The following EIF2AK1 variants were observed in gnomAD, a reference collection of about 807,000 sequenced individuals.
EIF2AK1 encodes eukaryotic translation initiation factor 2-alpha kinase 1.
EIF2AK1 carries 54 observed loss-of-function variants against 77.9 expected under a neutral mutation model. The ratio of observed to expected loss-of-function variants is 0.69; its 90% CI spans 0.56 to 0.87. The LOEUF (loss-of-function observed/expected upper bound fraction) is 0.87. EIF2AK1 is among the 40% of genes least tolerant of loss of function. EIF2AK1 has a pLI of 0.00. For missense variants in EIF2AK1, 810 were observed against 768.6 expected (o/e 1.05, Z -0.64); for synonymous variants, 314 against 290.5 (o/e 1.08, Z -0.82).
rs983147263 is a variant in EIF2AK1, at chr7:6,032,398, T to C, written c.1333-3366A>G. ...CTCTGCTAATCATAGACAGAACATA[T>C]GCTGCGTTATATTTGAAAACCCTGA... On this transcript the variant is annotated intron_variant, in intron 11 of 14. Transcript: ENST00000199389. The surrounding 1 kb of genome is among the most constrained non-coding windows in gnomAD (Gnocchi z 4.3). Among the ~76,000 whole-genome samples the C allele has an allele frequency of 2.0e-5, 3 of 152,180 alleles. No homozygotes were observed. The highest frequency in any genetic ancestry group is 2.4e-5 in the African/African-American group (1 of 41,442).
chr7:6,040,210 G>A (rs188525506), intron 9 of EIF2AK1, among the ~76,000 whole-genome samples: 20 of 151,964 alleles, frequency 1.3e-4, no homozygotes, highest in Admixed American at 6.6e-4. Flanking sequence ...ACAGCATCGC[G>A]CCTGGCTAAT....
intron 5 of EIF2AK1, chr7:6,046,626 G>A (rs577262763): frequency 5.7e-6 from 1 of 174,184 alleles, no homozygotes; most frequent in Non-Finnish European, 1.2e-5. Context: ...AAAACAGGCC[G>A]AGCACGGTGG....
At chr7:6,038,245 G>T (rs994498034) in intron 10 of EIF2AK1, among the ~76,000 whole-genome samples, 3 of 152,032 alleles carry the variant, frequency 2.0e-5, no homozygotes, top group African/African-American at 7.2e-5. Context: ...GCCTGGGCAG[G>T]ATAATGAGAC....
chr7:6,028,625 T>A lies in EIF2AK1; in HGVS notation c.1520A>T (p.Tyr507Phe), dbSNP rs759847990. Residue 507 changes from tyrosine to phenylalanine, a missense_variant, in exon 13 of 15, where the codon TAT becomes TTT. Transcript: ENST00000199389. ...AGCAACAAATACTACCTTGGCATCATACTCAGATCCTTCCAACTGTTCGGG... is the reference window on the plus strand; with the variant it reads ...AGCAACAAATACTACCTTGGCATCAAACTCAGATCCTTCCAACTGTTCGGG... ...ASPEQLEGSE[Y>F]DAKSDMYSLG... The A allele has an allele frequency of 6.2e-7, 1 of 1,614,170 alleles. No homozygotes were observed. The highest frequency in any genetic ancestry group is 1.1e-5 in the South Asian group (1 of 91,086).
At chr7:6,040,836 C>T in intron 9 of EIF2AK1, 56 bp downstream of exon 9, 1 of 1,422,990 alleles carries the variant, frequency 7.0e-7, no homozygotes, top group Non-Finnish European at 9.8e-7. Context: ...GAAGGCCACA[C>T]ACCTGCACAG....
chr7:6,044,396 A>G (rs1432471330), intron 7 of EIF2AK1, among the ~76,000 whole-genome samples, 166 bp downstream of exon 7: 1 of 152,056 alleles, frequency 6.6e-6, no homozygotes, highest in Middle Eastern at 3.2e-3. Context: ...GTGTGAACCC[A>G]GGAGGCGGAG....
At chr7:6,055,548 A>AAG (rs1788727105) in intron 1 of EIF2AK1, among the ~76,000 whole-genome samples, 2 of 152,042 alleles carry the variant, frequency 1.3e-5, no homozygotes, top group Admixed American at 1.3e-4. Flanking sequence ...TGAACAAGGC[A>AAG]GATCAGACTG....
chr7:6,024,515 G>T lies in EIF2AK1; in HGVS notation c.*158C>A. ...AGGAAATTCAGGAAAAGGAGCTTGT[G>T]GGGCAGGAAGGGAAGGAACGGCAGC... is the stretch of plus-strand genomic sequence containing the variant. On this transcript the variant is annotated 3_prime_UTR_variant, in exon 15 of 15. Coordinates refer to ENST00000199389, the MANE Select transcript of EIF2AK1 (RefSeq NM_014413.4). 7.0e-7 allele frequency: 1 copy of T among 1,437,602 alleles called. No individual in the cohort carries two copies. The highest frequency in any genetic ancestry group is 9.1e-7 in the Non-Finnish European group (1 of 1,102,132). The allele number at this position is 1,437,602 out of a possible 1,614,324, so 89.1% of individuals were successfully genotyped here.
Position 6,038,591 on chromosome 7 carries a change from C to G in EIF2AK1, c.1200G>C (p.Lys400Asn), listed in dbSNP as rs377124120. 1 of 1,612,986 alleles carries G rather than the reference C, an allele frequency of 6.2e-7. No individual in the cohort carries two copies. Among genetic ancestry groups the G allele is most frequent in the African/African-American group, 1.3e-5 (1 of 74,866 alleles). The change falls in exon 10 of 15, where the codon AAG becomes AAC. Residue 400 changes from lysine to asparagine, a missense_variant. This residue lies in a region of EIF2AK1 where 549 missense variants were observed against 533.7 expected (regional missense o/e 1.03). Transcript: ENST00000199389. ...SLWDWIVERNKRGREYVDESA... is the reference protein window; with the variant it reads ...SLWDWIVERNNRGREYVDESA... ...ACTCGTCCACATACTCCCGGCCCCG[C>G]TTGTTTCTCTCGACTATCCAATCCC... is the stretch of plus-strand genomic sequence containing the variant.
Position 6,036,168 on chromosome 7 carries a change from C to G in EIF2AK1, c.1332+1256G>C, listed in dbSNP as rs895709315. On this transcript the variant is annotated intron_variant, in intron 11 of 14. Transcript: ENST00000199389. The surrounding 1 kb of genome is among the most constrained non-coding windows in gnomAD (Gnocchi z 4.6). ...TTATCCTCTGAGAATGACCAATAACCAAGGAATTCTACCTGCAGGAATCAT... is the reference window on the plus strand; with the variant it reads ...TTATCCTCTGAGAATGACCAATAACGAAGGAATTCTACCTGCAGGAATCAT... 1 of 1,549,892 alleles carries G rather than the reference C, an allele frequency of 6.5e-7. No homozygotes were observed.
rs557690741 is a variant in EIF2AK1 at position 6,041,851 on chromosome 7, A to AT, written c.792-633_792-632insA. Reference sequence around the variant, plus strand: ...GTGAGACTCCATCTAAAAAAAAAAAAAAAAGCCAATGTATAGGTCTGGCAC... The same window carrying AT: ...GTGAGACTCCATCTAAAAAAAAAAAATAAAAGCCAATGTATAGGTCTGGCAC... On this transcript the variant is annotated intron_variant, in intron 8 of 14. Transcript: ENST00000199389. 2.4e-3 allele frequency among the ~76,000 whole-genome samples: 363 copies of AT among 151,748 alleles called. 3 individuals are homozygous for AT. Among genetic ancestry groups the AT allele is most frequent in the African/African-American group, 8.5e-3 (352 of 41,372 alleles).
chr7:6,042,847 C>T, intron 8 of EIF2AK1, 86 bp downstream of exon 8: 1 of 1,155,036 alleles, frequency 8.7e-7, no homozygotes, highest in Non-Finnish European at 1.3e-6. Context: ...GTCTGGGTGA[C>T]AGAGCGAGAC....
In EIF2AK1 at chr7:6,035,479, T is replaced by A. The variant is rs1168137656; in HGVS notation, c.1332+1945A>T. ...GGCCTCACCACACTCAACTTAATGC[T>A]ACTGCACTGGCCAGTCACTTCCACC... On this transcript the variant is annotated intron_variant, in intron 11 of 14. Coordinates refer to ENST00000199389, the MANE Select transcript of EIF2AK1 (RefSeq NM_014413.4). The surrounding 1 kb of genome is among the most constrained non-coding windows in gnomAD (Gnocchi z 5.5). 1 of 1,550,938 alleles carries A rather than the reference T, an allele frequency of 6.4e-7. No individual in the cohort carries two copies. Among genetic ancestry groups the A allele is most frequent in the Admixed American group, 2.0e-5 (1 of 50,994 alleles).
Position 6,035,825 on chromosome 7 carries a change from T to C in EIF2AK1, c.1332+1599A>G, listed in dbSNP as rs1378994941. The C allele has an allele frequency of 6.5e-7, 1 of 1,549,542 alleles. No homozygotes were observed. Among genetic ancestry groups the C allele is most frequent in the Non-Finnish European group, 8.7e-7 (1 of 1,146,022 alleles). On this transcript the variant is annotated intron_variant, in intron 11 of 14. Coordinates refer to ENST00000199389, the MANE Select transcript of EIF2AK1 (RefSeq NM_014413.4). This position sits in a 1 kb window ranked among gnomAD's most constrained non-coding sequence, Gnocchi z 5.5. ...GAGCAAACGTCAACTGTGCTGTCTCTTCCACGGGGAACACGCCCCTGAAGC... is the reference window on the plus strand; with the variant it reads ...GAGCAAACGTCAACTGTGCTGTCTCCTCCACGGGGAACACGCCCCTGAAGC...
rs41282676 is a variant in EIF2AK1, at chr7:6,046,979, C to T, written c.549+13G>A. On this transcript the variant is annotated intron_variant, in intron 5 of 14. Transcript: ENST00000199389. ...TTAGGGTAGTAGGTCAAAACAAGTA[C>T]GTGGAAGACAACCTTGTATACTCTT... 2.2e-5 allele frequency: 35 copies of T among 1,588,032 alleles called. No homozygotes were observed. The highest frequency in any genetic ancestry group is 2.7e-5 in the Non-Finnish European group (31 of 1,164,216).
chr7:6,030,277 T>C (rs1787869005), intron 11 of EIF2AK1, among the ~76,000 whole-genome samples: 1 of 152,050 alleles, frequency 6.6e-6, no homozygotes, highest in Admixed American at 6.6e-5. Context: ...TTAGGCGACG[T>C]CCGGGAAGAT....
chr7:6,044,592 T>A lies in EIF2AK1; in HGVS notation c.700A>T (p.Ile234Leu), dbSNP rs1583491542. The A allele has an allele frequency of 1.2e-6, 2 of 1,614,132 alleles. No homozygotes were observed. Among genetic ancestry groups the A allele is most frequent in the Non-Finnish European group, 1.7e-6 (2 of 1,179,996 alleles). Residue 234 changes from isoleucine (I) to leucine (L), a missense_variant, in exon 7 of 15, where the codon ATA becomes TTA. This residue lies in a region of EIF2AK1 where 549 missense variants were observed against 533.7 expected (regional missense o/e 1.03). Coordinates refer to ENST00000199389, the MANE Select transcript of EIF2AK1 (RefSeq NM_014413.4). Reference protein sequence around the residue: ...PNIVGYHTAWIEHVHVIQPRA... With the variant: ...PNIVGYHTAWLEHVHVIQPRA... ...GGCTGAATCACATGAACATGTTCTATCCACGCGGTGTGATAGCCAACAATA... is the reference window on the plus strand; with the variant it reads ...GGCTGAATCACATGAACATGTTCTAACCACGCGGTGTGATAGCCAACAATA...
At chr7:6,045,811 A>G (rs1327107883) in intron 6 of EIF2AK1, among the ~76,000 whole-genome samples, 1 of 150,336 alleles carries the variant, frequency 6.7e-6, no homozygotes, top group African/African-American at 2.4e-5. Flanking sequence ...AGGAAGGAGA[A>G]TCCTTGAACC....
intron 1 of EIF2AK1, among the ~76,000 whole-genome samples, chr7:6,056,628 A>ATATATATATATACATATATG (rs749747260): frequency 1.3e-5 from 1 of 75,938 alleles, no homozygotes; most frequent in East Asian, 3.4e-4. Context: ...ATATATATAT[A>ATATATATATATACATATATG]TATATATAAA....
Sources: gnomAD v4.1 joint callset for allele counts (sites outside exome capture counted in the v4.1 genomes callset) on GRCh38, gnomAD v4.1.1 for gene constraint, gnomAD v4.1.1 regional missense constraint, Gnocchi (gnomAD v3.1) non-coding constraint, MANE v1.5 for transcripts, NCBI Gene and HGNC (gene_info 2026-07-23, HGNC 2026-07-21) for gene names.